SMARCC1: variants seen among roughly 807,000 people sequenced by gnomAD.
The protein encoded by SMARCC1 is SWI/SNF complex subunit SMARCC1.
Under a neutral mutation model 147.4 loss-of-function variants are expected in SMARCC1, and 43 were observed. The observed-to-expected ratio is 0.29, with a 90% CI of 0.23 to 0.38. SMARCC1 has a LOEUF of 0.38. Ranked by LOEUF, SMARCC1 falls within the 10% of genes least tolerant of loss-of-function variation. SMARCC1 has a pLI of 1.00. For missense variants in SMARCC1, 1,119 were observed against 1,381.1 expected (o/e 0.81, Z 3.01); for synonymous variants, 495 against 484.4 (o/e 1.02, Z -0.29).
At chr3:47,595,215 G>A (rs2032252923) in intron 26 of SMARCC1, among the ~76,000 whole-genome samples, 1 of 152,072 alleles carries the variant, frequency 6.6e-6, no homozygotes, top group Admixed American at 6.6e-5. Flanking sequence ...TTGTGTACGG[G>A]TTAAAAAAAA....
At chr3:47,767,553 TAAA>T (rs765197611) in intron 2 of SMARCC1, among the ~76,000 whole-genome samples, 3 of 111,296 alleles carry the variant, frequency 2.7e-5, no homozygotes, top group Non-Finnish European at 3.8e-5. Flanking sequence ...CACTCTGATT[TAAA>T]AAAAAAAAAA....
chr3:47,597,529 T>C (rs917149257), intron 26 of SMARCC1, among the ~76,000 whole-genome samples: 2 of 152,114 alleles, frequency 1.3e-5, no homozygotes, highest in African/African-American at 2.4e-5. Flanking sequence ...GGTTTCACCA[T>C]GTTAGCCAGG....
At chr3:47,743,534 C>T (rs757943832) in intron 3 of SMARCC1, among the ~76,000 whole-genome samples, 1 of 151,944 alleles carries the variant, frequency 6.6e-6, no homozygotes, top group Non-Finnish European at 1.5e-5. Context: ...TTCACTGTGG[C>T]CGGGCATGGT....
intron 5 of SMARCC1, among the ~76,000 whole-genome samples, chr3:47,731,221 G>A (rs1176162529): frequency 6.6e-6 from 1 of 152,150 alleles, no homozygotes; most frequent in African/African-American, 2.4e-5. Context: ...TCCATGTCAA[G>A]AAAGCACTTT....
chr3:47,688,526 ACAGT>A (rs2033756698), intron 13 of SMARCC1, among the ~76,000 whole-genome samples: 1 of 152,200 alleles, frequency 6.6e-6, no homozygotes, highest in Non-Finnish European at 1.5e-5. Flanking sequence ...GGTTAATCAC[ACAGT>A]CAAACATGAT....
chr3:47,702,139 T>C (rs556186584), intron 10 of SMARCC1, among the ~76,000 whole-genome samples: 1 of 151,392 alleles, frequency 6.6e-6, no homozygotes, highest in Non-Finnish European at 1.5e-5. Context: ...AATATAGTAC[T>C]AATTCTTTTG....
intron 15 of SMARCC1, among the ~76,000 whole-genome samples, chr3:47,679,204 CTT>C (rs2033609589): frequency 6.9e-6 from 1 of 145,588 alleles, no homozygotes; most frequent in Non-Finnish European, 1.5e-5. Context: ...GACGGAATGA[CTT>C]TGTCTCAAAA....
At chr3:47,632,570 G>A (rs1186970341) in intron 24 of SMARCC1, among the ~76,000 whole-genome samples, 1 of 152,122 alleles carries the variant, frequency 6.6e-6, no homozygotes, top group Non-Finnish European at 1.5e-5. Context: ...CTGACACATT[G>A]AGAGGTCAAG....
At chr3:47,597,925 A>T (rs557605340) in intron 26 of SMARCC1, among the ~76,000 whole-genome samples, 2 of 152,352 alleles carry the variant, frequency 1.3e-5, no homozygotes, top group East Asian at 3.9e-4. Context: ...CTTTGGGAAC[A>T]GATGTAGGCT....
At chr3:47,637,438 G>A (rs1263623514) in intron 22 of SMARCC1, among the ~76,000 whole-genome samples, 4 of 152,180 alleles carry the variant, frequency 2.6e-5, no homozygotes, top group South Asian at 2.1e-4. Flanking sequence ...GAGGCTGGGC[G>A]TGGTGGCTCA....
chr3:47,678,106 T>C (rs1268560534), intron 16 of SMARCC1, 92 bp downstream of exon 16: 3 of 609,224 alleles, frequency 4.9e-6, no homozygotes, highest in Non-Finnish European at 8.4e-6. Context: ...TTTTACCCAG[T>C]TGAAACAACC....
intron 3 of SMARCC1, among the ~76,000 whole-genome samples, chr3:47,740,211 T>TTTTTTTTTTA (rs2034493767): frequency 1.3e-5 from 1 of 78,028 alleles, no homozygotes; most frequent in African/African-American, 5.2e-5. Context: ...TTTTTTTTTT[T>TTTTTTTTTTA]AAAAGACAGA....
intron 2 of SMARCC1, among the ~76,000 whole-genome samples, chr3:47,746,799 C>T (rs1167051176): frequency 2.0e-5 from 3 of 146,808 alleles, no homozygotes; most frequent in Non-Finnish European, 3.0e-5. Flanking sequence ...GGTGCTATCT[C>T]GGCTCACTGC....
chr3:47,668,966 G>C (rs2033459678), intron 19 of SMARCC1, among the ~76,000 whole-genome samples: 1 of 151,456 alleles, frequency 6.6e-6, no homozygotes, highest in Admixed American at 6.6e-5. Flanking sequence ...TTATTAGAAA[G>C]AGACTATATT....
At chr3:47,706,261 G>A (rs1576417355) in intron 10 of SMARCC1, 148 bp downstream of exon 10, 8 of 599,096 alleles carry the variant, frequency 1.3e-5, no homozygotes, top group Non-Finnish European at 1.7e-5. Flanking sequence ...TAGTAGAGAC[G>A]AGGTTTCACC....
chr3:47,602,682 A>G (rs2032407314), intron 26 of SMARCC1, among the ~76,000 whole-genome samples: 1 of 152,232 alleles, frequency 6.6e-6, no homozygotes. Context: ...TTTTCAAGGC[A>G]CTTCCAAAAA....
chr3:47,661,751 A>G (rs76940151), intron 20 of SMARCC1, among the ~76,000 whole-genome samples: 1,903 of 152,226 alleles, frequency 0.013, 43 homozygotes, highest in African/African-American at 0.043. Flanking sequence ...TTAACTGCTT[A>G]CTAGATTAAT....
intron 26 of SMARCC1, chr3:47,603,843 A>C: frequency 2.8e-6 from 1 of 351,896 alleles, no homozygotes; most frequent in Non-Finnish European, 5.6e-6. Flanking sequence ...TACTACAGAT[A>C]CTTCCCGTGT....
intron 14 of SMARCC1, among the ~76,000 whole-genome samples, chr3:47,685,836 G>C (rs138430007): frequency 2.6e-5 from 4 of 152,094 alleles, no homozygotes; most frequent in Non-Finnish European, 4.4e-5. Flanking sequence ...TAGCCAGGGT[G>C]ACAAAGCAAG....
Sources: gnomAD v4.1 joint callset for allele counts (sites outside exome capture counted in the v4.1 genomes callset) on GRCh38, gnomAD v4.1.1 for gene constraint, MANE v1.5 for transcripts, NCBI Gene and HGNC (gene_info 2026-07-23, HGNC 2026-07-21) for gene names.